The following SH3BP5 variants were observed in gnomAD, a reference collection of about 807,000 sequenced individuals.
The protein encoded by SH3BP5 is SH3 domain binding protein 5.
SH3BP5 carries 22 observed loss-of-function variants against 43.3 expected under a neutral mutation model. The ratio of observed to expected loss-of-function variants is 0.51; its 90% CI spans 0.36 to 0.73. The LOEUF is 0.73. Ranked by LOEUF, SH3BP5 falls within the 30% of genes least tolerant of loss-of-function variation. The probability of loss-of-function intolerance (pLI) is 0.00; values close to 1 mark genes in which losing one functional copy is unlikely to be tolerated. For synonymous variants in SH3BP5, 255 were observed against 225.8 expected, an observed-to-expected ratio of 1.13 and a Z score of -1.16; for missense variants, 529 against 586.9, an observed-to-expected ratio of 0.90 and a Z score of 1.02.
intron 4 of SH3BP5, among the ~76,000 whole-genome samples, chr3:15,266,510 C>T (rs148152635): frequency 6.6e-6 from 1 of 152,344 alleles, no homozygotes; most frequent in African/African-American, 2.4e-5. Context: ...GATGCCAGCC[C>T]TCCTCTCTCA....
intron 1 of SH3BP5, chr3:15,339,957 G>A (rs939262107): frequency 2.0e-5 from 3 of 152,094 alleles, no homozygotes; most frequent in African/African-American, 4.8e-5. Flanking sequence ...GCAAATCAAT[G>A]AGCATAACAT....
chr3:15,331,326 C>T (rs551452656), intron 1 of SH3BP5, among the ~76,000 whole-genome samples: 81 of 152,220 alleles, frequency 5.3e-4, no homozygotes, highest in African/African-American at 1.9e-3. Flanking sequence ...CATTTAAACC[C>T]CAACCACTGA....
intron 3 of SH3BP5, among the ~76,000 whole-genome samples, chr3:15,285,080 T>C (rs1033857062): frequency 2.6e-5 from 4 of 152,250 alleles, no homozygotes; most frequent in African/African-American, 7.2e-5. Flanking sequence ...ACTGTGTTAC[T>C]GAATTTAATT....
At position 15,332,531 on chromosome 3, in the gene SH3BP5, A is replaced by T; in HGVS notation, c.-123T>A. On this transcript the variant is annotated 5_prime_UTR_variant, in exon 1 of 9. Coordinates refer to ENST00000383791, the MANE Select transcript of SH3BP5 (RefSeq NM_004844.5). ...CACGGTCGGGGAGCCGCCGGGGCCG[A>T]CACCCGGGAGACGCAGCTCGCCGAT... 1.6e-6 allele frequency: 2 copies of T among 1,246,860 alleles called. No homozygotes were observed. Among genetic ancestry groups the T allele is most frequent in the Admixed American group, 8.7e-5 (2 of 22,986 alleles). The allele number at this position is 1,246,860 out of a possible 1,614,324, so 77.2% of individuals were successfully genotyped here. A position where few individuals can be genotyped will look rare whatever the true frequency, so the allele number is the denominator to read the frequency against.
rs186391666 is a variant in SH3BP5 at position 15,323,119 on chromosome 3, C to A, written c.201+7385G>T. On this transcript the variant is annotated intron_variant, in intron 2 of 8. Coordinates refer to ENST00000383791, the MANE Select transcript of SH3BP5 (RefSeq NM_004844.5). ...CATCATTGCACTCCGGTTTTTGAGA[C>A]CCTGTCTCAAATAAATAAATAAATA... 1.5e-3 allele frequency among the ~76,000 whole-genome samples: 192 copies of A among 127,714 alleles called. 2 individuals are homozygous for A. Among genetic ancestry groups the A allele is most frequent in the Non-Finnish European group, 2.3e-3 (139 of 59,358 alleles). The allele number at this position is 127,714 out of a possible 152,430, so 83.8% of individuals were successfully genotyped here. A position where few individuals can be genotyped will look rare whatever the true frequency, so the allele number is the denominator to read the frequency against.
chr3:15,272,514 A>G (rs11924617), intron 3 of SH3BP5, among the ~76,000 whole-genome samples: 2,215 of 145,250 alleles, frequency 0.015, 92 homozygotes, highest in African/African-American at 0.052. Flanking sequence ...GACAGAAGGA[A>G]GGATTTGAGA....
At position 15,256,245 on chromosome 3, in the gene SH3BP5, G is replaced by GC. The variant is rs760334026; in HGVS notation, c.1208dup (p.Leu404ProfsTer4). The GC allele has an allele frequency of 1.2e-6, 2 of 1,614,062 alleles. No homozygotes were observed. Among genetic ancestry groups the GC allele is most frequent in the Admixed American group, 1.7e-5 (1 of 60,008 alleles). On this transcript the variant is annotated frameshift_variant, in exon 9 of 9. Coordinates refer to ENST00000383791, the MANE Select transcript of SH3BP5 (RefSeq NM_004844.5). LOFTEE classifies it low-confidence loss of function (END_TRUNC). ...CACCACTGCCACTGCTACTGCTGAG[G>GC]CCCCGGTTGTTGTTGGCTTTGTCAC...
At chr3:15,332,702 G>A (rs907247109), upstream of SH3BP5, 21 of 1,096,496 alleles carry the variant, frequency 1.9e-5, no homozygotes, top group Non-Finnish European at 2.3e-5. Flanking sequence ...GGTCTCCGTC[G>A]CAAAACCCCA....
At chr3:15,303,306 T>C (rs1697803872) in intron 3 of SH3BP5, among the ~76,000 whole-genome samples, 1 of 152,222 alleles carries the variant, frequency 6.6e-6, no homozygotes, top group African/African-American at 2.4e-5. Flanking sequence ...ATTAGCTCTC[T>C]AATCGGGAAG....
At chr3:15,278,487 T>C (rs1338147051) in intron 3 of SH3BP5, among the ~76,000 whole-genome samples, 1 of 152,212 alleles carries the variant, frequency 6.6e-6, no homozygotes, top group Admixed American at 6.5e-5. Context: ...CTGCCCATCC[T>C]GCACTCCCCC....
At chr3:15,327,480 C>T (rs1698494019) in intron 2 of SH3BP5, among the ~76,000 whole-genome samples, 1 of 152,208 alleles carries the variant, frequency 6.6e-6, no homozygotes, top group South Asian at 2.1e-4. Context: ...GGCATACTCC[C>T]CTTGACCACC....
upstream of SH3BP5, among the ~76,000 whole-genome samples, chr3:15,337,069 G>GT (rs1323591735): frequency 2.1e-5 from 3 of 140,994 alleles, no homozygotes; most frequent in Non-Finnish European, 3.1e-5. Flanking sequence ...AAGAGTTGGG[G>GT]TTTTTTTTAG....
chr3:15,335,512 G>A (rs1306926424), upstream of SH3BP5, among the ~76,000 whole-genome samples: 2 of 152,138 alleles, frequency 1.3e-5, no homozygotes, highest in Non-Finnish European at 2.9e-5. Flanking sequence ...AGTCAAAGCT[G>A]CAGTGACCCC....
chr3:15,310,857 G>A (rs1300709206), intron 2 of SH3BP5, among the ~76,000 whole-genome samples: 1 of 152,140 alleles, frequency 6.6e-6, no homozygotes, highest in African/African-American at 2.4e-5. Context: ...GTGTCAGTGT[G>A]TCAGACAAAC....
intron 2 of SH3BP5, among the ~76,000 whole-genome samples, chr3:15,324,848 C>T (rs1575352264): frequency 7.2e-6 from 1 of 138,886 alleles, no homozygotes; most frequent in East Asian, 2.1e-4. Flanking sequence ...ACCATTGCTC[C>T]TTGGGTCCAA....
At chr3:15,340,264 T>C (rs1698750522) in intron 1 of SH3BP5, among the ~76,000 whole-genome samples, 1 of 152,232 alleles carries the variant, frequency 6.6e-6, no homozygotes, top group South Asian at 2.1e-4. Flanking sequence ...GACTTTACTC[T>C]GGAAGATAAA....
chr3:15,287,497 A>G (rs903049835), intron 3 of SH3BP5, among the ~76,000 whole-genome samples: 1 of 152,222 alleles, frequency 6.6e-6, no homozygotes, highest in Admixed American at 6.5e-5. Context: ...TTTCTGCAAT[A>G]ATGGAAATGT....
chr3:15,258,803 C>T (rs777544255), intron 7 of SH3BP5, 28 bp downstream of exon 7: 1 of 1,576,978 alleles, frequency 6.3e-7, no homozygotes, highest in South Asian at 1.1e-5. Context: ...GATATCTCCC[C>T]ACATACCCAG....
chr3:15,288,661 G>A (rs1179010230), intron 3 of SH3BP5, among the ~76,000 whole-genome samples: 1 of 152,146 alleles, frequency 6.6e-6, no homozygotes, highest in East Asian at 1.9e-4. Flanking sequence ...GACTGTTTGA[G>A]TCTGGGAGGC....
Sources: allele counts gnomAD v4.1 joint callset (sites outside exome capture counted in the v4.1 genomes callset), GRCh38; gene constraint gnomAD v4.1.1; transcripts MANE v1.5; gene names NCBI Gene and HGNC (gene_info 2026-07-23, HGNC 2026-07-21).